The following CXXC4 variants were observed in gnomAD, a reference collection of about 807,000 sequenced individuals.
CXXC4 encodes CXXC finger protein 4.
CXXC4 carries 5 observed loss-of-function variants against 20.5 expected under a neutral mutation model. That is an observed-to-expected ratio of 0.24 (90% CI 0.13 to 0.51). CXXC4 has a LOEUF of 0.51. CXXC4 is among the 20% of genes least tolerant of loss of function. The pLI is 0.97. For synonymous variants in CXXC4, 250 were observed against 216.4 expected, an observed-to-expected ratio of 1.16 and a Z score of -1.36; for missense variants, 419 against 496.4, an observed-to-expected ratio of 0.84 and a Z score of 1.48.
At chr4:104,482,630 A>G (rs953391524) in intron 2 of CXXC4, among the ~76,000 whole-genome samples, 2 of 152,128 alleles carry the variant, frequency 1.3e-5, no homozygotes, top group African/African-American at 4.8e-5. Flanking sequence ...CCACTGATTC[A>G]CCAACACTAG....
At chr4:104,473,506 T>C (rs1736328289) in intron 2 of CXXC4, among the ~76,000 whole-genome samples, 4 of 151,890 alleles carry the variant, frequency 2.6e-5, no homozygotes, top group Admixed American at 2.6e-4. Flanking sequence ...TCATGCCATA[T>C]CCTTCCTTAA....
At chr4:104,474,788 A>G (rs1020819905) in intron 2 of CXXC4, among the ~76,000 whole-genome samples, 1 of 152,138 alleles carries the variant, frequency 6.6e-6, no homozygotes, top group African/African-American at 2.4e-5. Flanking sequence ...TGATAAACAT[A>G]TATGTTTACG....
intron 2 of CXXC4, among the ~76,000 whole-genome samples, chr4:104,473,647 C>T (rs1736331915): frequency 6.6e-6 from 1 of 151,858 alleles, no homozygotes; most frequent in Non-Finnish European, 1.5e-5. Context: ...CCCAACAAGC[C>T]TGTATAAATC....
At position 104,490,854 on chromosome 4, in the gene CXXC4, G is replaced by T; in HGVS notation, c.949C>A (p.Leu317Ile). The T allele has an allele frequency of 6.2e-7, 1 of 1,614,200 alleles. No individual in the cohort carries two copies. ...RCGVCVPCKRLINCGVCSSCR... is the reference protein window; with the variant it reads ...RCGVCVPCKRIINCGVCSSCR... ...CTGCTGCAGACGCCACAGTTGATGA[G>T]CCTCTTGCAGGGCACGCAGACCCCA... Residue 317 changes from leucine (L) to isoleucine (I), a missense_variant, in exon 2 of 3, where the codon CTC becomes ATC. Physicochemically the swap from Leu to Ile is conservative, Grantham distance 5 (BLOSUM62 2). Coordinates refer to ENST00000394767, the MANE Select transcript of CXXC4 (RefSeq NM_025212.4).
intron 2 of CXXC4, 69 bp from the exon 3 acceptor site, chr4:104,472,435 C>T: frequency 9.1e-7 from 1 of 1,103,758 alleles, no homozygotes; most frequent in East Asian, 2.4e-5. Context: ...GATTTTTCTC[C>T]TTTACACTTC....
chr4:104,478,117 G>A (rs114486184), intron 2 of CXXC4, among the ~76,000 whole-genome samples: 1,798 of 152,078 alleles, frequency 0.012, 38 homozygotes, highest in African/African-American at 0.042. Flanking sequence ...AGATTTCTCC[G>A]ATTAATGATG....
At chr4:104,478,813 A>C (rs1357091334) in intron 2 of CXXC4, among the ~76,000 whole-genome samples, 3 of 152,106 alleles carry the variant, frequency 2.0e-5, no homozygotes, top group Non-Finnish European at 2.9e-5. Context: ...TGTGAAAGAA[A>C]ATTAGAAGTA....
chr4:104,492,759 A>C (rs764680426), intron 1 of CXXC4, among the ~76,000 whole-genome samples: 6 of 151,890 alleles, frequency 4.0e-5, no homozygotes, highest in Non-Finnish European at 8.8e-5. Flanking sequence ...GACCAAGGAC[A>C]GGTCTCAATT....
In CXXC4 at chr4:104,491,465, C is replaced by T; in HGVS notation, c.338G>A (p.Gly113Asp). The change falls in exon 2 of 3, where the codon GGC (glycine) becomes GAC (aspartate). Residue 113 changes from glycine (G) to aspartate (D), a missense_variant. Coordinates refer to ENST00000394767, the MANE Select transcript of CXXC4 (RefSeq NM_025212.4). ...MLWGSGGGGGGGGGGGGGGGG... is the reference protein window; with the variant it reads ...MLWGSGGGGGDGGGGGGGGGG... The stretch of plus-strand genomic sequence containing the variant: ...GCCGCCGCCGCCACCCCCCCCGCCG[C>T]CGCCCCCGCCCCCGCCGCTGCCCCA... 2.4e-6 allele frequency: 2 copies of T among 846,130 alleles called. No individual in the cohort carries two copies. The highest frequency in any genetic ancestry group is 2.9e-6 in the Non-Finnish European group (2 of 682,528). 52.4% of individuals were successfully genotyped at this position (846,130 alleles called of 1,614,324 possible).
intron 2 of CXXC4, among the ~76,000 whole-genome samples, chr4:104,473,928 C>A (rs940999120): frequency 6.6e-6 from 1 of 151,816 alleles, no homozygotes; most frequent in Non-Finnish European, 1.5e-5. Flanking sequence ...ATTATGTCAT[C>A]TAATAATAAA....
chr4:104,491,077 T>G lies in CXXC4; in HGVS notation c.726A>C (p.Leu242Phe). 2 of 1,614,048 alleles carry G rather than the reference T, an allele frequency of 1.2e-6. No individual in the cohort carries two copies. Among genetic ancestry groups the G allele is most frequent in the Non-Finnish European group, 1.7e-6 (2 of 1,179,982 alleles). ...RVGTFSAIPA[L>F]GGISLPPGVI... ...CCCCTGGAGGTAATGAGATGCCCCC[T>G]AAAGCCGGGATAGCGGAAAAAGTCC... Residue 242 changes from leucine to phenylalanine, a missense_variant, in exon 2 of 3, where the codon TTA becomes TTC. This residue lies in a region of CXXC4 where 388 missense variants were observed against 416.0 expected (regional missense o/e 0.93). Coordinates refer to ENST00000394767, the MANE Select transcript of CXXC4 (RefSeq NM_025212.4).
Position 104,491,037 on chromosome 4 carries a change from C to T in CXXC4, c.766G>A (p.Ala256Thr). 1.2e-6 allele frequency: 2 copies of T among 1,614,026 alleles called. No individual in the cohort carries two copies. Among genetic ancestry groups the T allele is most frequent in the Non-Finnish European group, 1.7e-6 (2 of 1,180,006 alleles). ...SLPPGVIVMT[A>T]LHSPAAASAA... ...GAGGCTGCTGCGGGGGAGTGAAGGG[C>T]TGTCATGACGATGACCCCTGGAGGT... The change falls in exon 2 of 3, where the codon GCC (alanine) becomes ACC (threonine). Residue 256 changes from alanine (A) to threonine (T), a missense_variant. By Grantham distance (58) the Ala-to-Thr change is moderately conservative. Coordinates refer to ENST00000394767, the MANE Select transcript of CXXC4 (RefSeq NM_025212.4).
chr4:104,480,884 T>G (rs1335639737), intron 2 of CXXC4, among the ~76,000 whole-genome samples: 4 of 137,060 alleles, frequency 2.9e-5, no homozygotes. Context: ...CTTCCTTCCA[T>G]CCTTTCTTCC....
intron 2 of CXXC4, among the ~76,000 whole-genome samples, chr4:104,490,408 C>A (rs752869801): frequency 1.1e-4 from 16 of 152,182 alleles, no homozygotes; most frequent in Non-Finnish European, 2.1e-4. Flanking sequence ...AGATGCCCCA[C>A]CCTTTTTAAT....
At chr4:104,488,540 G>T (rs950960161) in intron 2 of CXXC4, among the ~76,000 whole-genome samples, 1 of 152,166 alleles carries the variant, frequency 6.6e-6, no homozygotes, top group Non-Finnish European at 1.5e-5. Context: ...CCCATGCTCT[G>T]ATAGAAGGGA....
At position 104,491,876 on chromosome 4, in the gene CXXC4, GA is replaced by G; in HGVS notation, c.-75del. 1 of 197,254 alleles carries G rather than the reference GA, an allele frequency of 5.1e-6. No individual in the cohort carries two copies. The highest frequency in any genetic ancestry group is 2.0e-4 in the South Asian group (1 of 5,098). The allele number at this position is 197,254 out of a possible 1,614,324, so 12.2% of individuals were successfully genotyped here. The stretch of plus-strand genomic sequence containing the variant: ...GTCCGACACCTGGGTGGAAAAGGGG[GA>G]AAGGTGGGGGGGAGGGAAGGGAGTG... On this transcript the variant is annotated 5_prime_UTR_variant, in exon 2 of 3. Coordinates refer to ENST00000394767, the MANE Select transcript of CXXC4 (RefSeq NM_025212.4).
chr4:104,479,392 T>C (rs1736498764), intron 2 of CXXC4, among the ~76,000 whole-genome samples: 1 of 152,162 alleles, frequency 6.6e-6, no homozygotes, highest in South Asian at 2.1e-4. Flanking sequence ...ATCTCTTTTA[T>C]TATTATAGTT....
rs1047038889 is a variant in CXXC4 at position 104,469,070 on chromosome 4, C to T, written c.*3252G>A. ...TGTTGGGAATTAAGCAACCAGGAGA[C>T]ATTTTTATATACTCCTACAGTGGGG... On this transcript the variant is annotated 3_prime_UTR_variant, in exon 3 of 3. Coordinates refer to ENST00000394767, the MANE Select transcript of CXXC4 (RefSeq NM_025212.4). The T allele has an allele frequency of 6.6e-6, 1 of 152,000 alleles. No homozygotes were observed. Among genetic ancestry groups the T allele is most frequent in the Admixed American group, 6.6e-5 (1 of 15,220 alleles). 9.4% of individuals were successfully genotyped at this position (152,000 alleles called of 1,614,324 possible). A position where few individuals can be genotyped will look rare whatever the true frequency, so the allele number is the denominator to read the frequency against.
chr4:104,489,000 G>C (rs188020461), intron 2 of CXXC4, among the ~76,000 whole-genome samples: 33 of 152,304 alleles, frequency 2.2e-4, no homozygotes, highest in African/African-American at 7.2e-4. Flanking sequence ...GCTGGGAATA[G>C]AGAATTTCAG....
Sources: allele counts gnomAD v4.1 joint callset (sites outside exome capture counted in the v4.1 genomes callset), GRCh38; gene constraint gnomAD v4.1.1; regional missense constraint gnomAD v4.1.1; transcripts MANE v1.5; gene names NCBI Gene and HGNC (gene_info 2026-07-23, HGNC 2026-07-21).